Variants in RUFY1 observed in about 807,000 individuals in gnomAD.
RUFY1 encodes RUN and FYVE domain-containing protein 1.
RUFY1 carries 54 observed loss-of-function variants against 94.6 expected under a neutral mutation model. The observed-to-expected ratio is 0.57, with a 90% CI of 0.46 to 0.72. RUFY1 has a LOEUF of 0.72. RUFY1 is among the 30% of genes least tolerant of loss of function. The pLI is 0.00. For synonymous variants in RUFY1, 396 were observed against 347.3 expected (o/e 1.14, Z -1.56); for missense variants, 883 against 883.9 (o/e 1.00, Z 0.01).
At chr5:179,563,283 C>A (rs1431726137) in intron 3 of RUFY1, among the ~76,000 whole-genome samples, 1 of 152,162 alleles carries the variant, frequency 6.6e-6, no homozygotes, top group Admixed American at 6.5e-5. Context: ...ATTCCATTTT[C>A]AGATAATAAT....
intron 9 of RUFY1, among the ~76,000 whole-genome samples, chr5:179,590,230 T>C (rs1764944326): frequency 6.6e-6 from 1 of 151,692 alleles, no homozygotes; most frequent in Non-Finnish European, 1.5e-5. Context: ...GGCAGGTGCC[T>C]GTAGTCCCAG....
chr5:179,567,086 G>T (rs11958537), intron 3 of RUFY1, among the ~76,000 whole-genome samples: 50,063 of 152,006 alleles, frequency 0.33, 8,555 homozygotes, highest in Non-Finnish European at 0.38. Context: ...TAAAAAGTAC[G>T]TTTGAGCTAA....
Position 179,607,576 on chromosome 5 carries a change from C to T in RUFY1, c.1906-6C>T, listed in dbSNP as rs1767237592. 6.2e-7 allele frequency: 1 copy of T among 1,614,114 alleles called. No individual in the cohort carries two copies. The highest frequency in any genetic ancestry group is 8.5e-7 in the Non-Finnish European group (1 of 1,179,908). ...AGTGGATTCTAGAATGTCCTTTCCT[C>T]TTCAGGGCCACGCCTGGCTGAAAGA... On this transcript the variant is annotated splice_polypyrimidine_tract_variant and splice_region_variant and intron_variant, in intron 16 of 17. Coordinates refer to ENST00000319449, the MANE Select transcript of RUFY1 (RefSeq NM_025158.5).
chr5:179,602,078 C>A, intron 15 of RUFY1, 92 bp downstream of exon 15: 5 of 1,064,482 alleles, frequency 4.7e-6, no homozygotes, highest in South Asian at 1.3e-5. Flanking sequence ...TTTTGGCGAA[C>A]GGAGGGTGGG....
chr5:179,564,797 T>C (rs546489510), intron 3 of RUFY1, among the ~76,000 whole-genome samples: 1 of 152,314 alleles, frequency 6.6e-6, no homozygotes, highest in South Asian at 2.1e-4. Flanking sequence ...GCAGTCGTTA[T>C]TGGTAACAGG....
chr5:179,584,209 G>T (rs1018302489), intron 7 of RUFY1, among the ~76,000 whole-genome samples: 5 of 151,440 alleles, frequency 3.3e-5, no homozygotes, highest in African/African-American at 1.2e-4. Flanking sequence ...TTTGTCCCCC[G>T]GTTCCTAAGC....
At chr5:179,559,124 G>A (rs565394035) in intron 1 of RUFY1, among the ~76,000 whole-genome samples, 6 of 152,234 alleles carry the variant, frequency 3.9e-5, no homozygotes, top group Non-Finnish European at 7.3e-5. Context: ...GCCCGGGTGA[G>A]GGCCGCGCTT....
intron 16 of RUFY1, chr5:179,607,376 C>G (rs973718076): frequency 1.7e-6 from 1 of 581,008 alleles, no homozygotes; most frequent in Admixed American, 3.0e-5. Flanking sequence ...AGGTGGAGCA[C>G]GGAGCTAGGA....
chr5:179,605,690 C>CA lies in RUFY1; in HGVS notation c.1857-186_1857-185insA, dbSNP rs200147464. 6.6e-3 allele frequency among the ~76,000 whole-genome samples: 1,008 copies of CA among 152,152 alleles called. 15 individuals are homozygous for CA. Among genetic ancestry groups the CA allele is most frequent in the African/African-American group, 0.021 (874 of 41,524 alleles). On this transcript the variant is annotated intron_variant, in intron 15 of 17. Coordinates refer to ENST00000319449, the MANE Select transcript of RUFY1 (RefSeq NM_025158.5). ...AGGCTCAGCCTCAGCCCTCAGCAGA[C>CA]GGGAGCCAGTGTGATGAGGCAACTC...
intron 2 of RUFY1, among the ~76,000 whole-genome samples, chr5:179,560,465 A>G (rs1462456821): frequency 6.6e-6 from 1 of 152,102 alleles, no homozygotes; most frequent in Non-Finnish European, 1.5e-5. Flanking sequence ...CACGCCTGTA[A>G]TCCCAGCACT....
chr5:179,552,860 G>C (rs1208628820), intron 1 of RUFY1, among the ~76,000 whole-genome samples: 1 of 152,192 alleles, frequency 6.6e-6, no homozygotes, highest in Non-Finnish European at 1.5e-5. Context: ...GGAAGTGATA[G>C]AAACAATAGC....
intron 5 of RUFY1, among the ~76,000 whole-genome samples, chr5:179,576,578 G>C (rs1217229278): frequency 1.3e-5 from 2 of 152,086 alleles, no homozygotes; most frequent in Non-Finnish European, 2.9e-5. Context: ...CTGCCACCAT[G>C]CCTGGCTAAT....
At chr5:179,571,473 C>A (rs919323809) in intron 5 of RUFY1, among the ~76,000 whole-genome samples, 18 of 150,578 alleles carry the variant, frequency 1.2e-4, no homozygotes, top group Non-Finnish European at 2.5e-4. Context: ...CATTGCACTC[C>A]AGTCTGGGCA....
rs752985795 is a variant in RUFY1 at position 179,577,134 on chromosome 5, G to A, written c.888G>A (p.Lys296=). Residue 296 remains lysine, a splice_region_variant and synonymous_variant, in exon 6 of 18, where the codon AAG becomes AAA. Coordinates refer to ENST00000319449, the MANE Select transcript of RUFY1 (RefSeq NM_025158.5). ...LKDVQDLDGG[K]EHERITDVLD... ...ATGTGCAGGATCTTGATGGTGGCAA[G>A]GAGTAAGTACTGCGTTGTATGTCAC... 6.7e-6 allele frequency: 8 copies of A among 1,195,824 alleles called. No homozygotes were observed. Among genetic ancestry groups the A allele is most frequent in the Admixed American group, 5.3e-5 (3 of 57,060 alleles). 74.1% of individuals were successfully genotyped at this position (1,195,824 alleles called of 1,614,324 possible).
At chr5:179,574,932 T>C (rs891949938) in intron 5 of RUFY1, among the ~76,000 whole-genome samples, 5 of 152,086 alleles carry the variant, frequency 3.3e-5, no homozygotes, top group Non-Finnish European at 7.4e-5. Flanking sequence ...TTTTATGATT[T>C]GGTTTTTTAT....
intron 1 of RUFY1, among the ~76,000 whole-genome samples, chr5:179,552,873 A>G (rs1171260844): frequency 6.6e-6 from 1 of 152,230 alleles, no homozygotes; most frequent in African/African-American, 2.4e-5. Context: ...ACAATAGCCA[A>G]CACTTATATT....
At chr5:179,560,653 G>A (rs1471936839) in intron 2 of RUFY1, among the ~76,000 whole-genome samples, 7 of 149,816 alleles carry the variant, frequency 4.7e-5, no homozygotes, top group Non-Finnish European at 7.4e-5. Context: ...GTGATCCCGG[G>A]AGGCGGAGGT....
chr5:179,601,107 G>A (rs149305382), intron 14 of RUFY1, among the ~76,000 whole-genome samples: 370 of 152,268 alleles, frequency 2.4e-3, no homozygotes, highest in African/African-American at 8.4e-3. Flanking sequence ...CCAGTGTCAA[G>A]AGTAAGCTAG....
chr5:179,597,212 C>G (rs1298221115), intron 13 of RUFY1, among the ~76,000 whole-genome samples: 2 of 151,906 alleles, frequency 1.3e-5, no homozygotes, highest in African/African-American at 4.8e-5. Context: ...ATCAACACAC[C>G]CGGCTAATTT....
Sources: allele counts gnomAD v4.1 joint callset (sites outside exome capture counted in the v4.1 genomes callset), GRCh38; gene constraint gnomAD v4.1.1; transcripts MANE v1.5; gene names NCBI Gene and HGNC (gene_info 2026-07-23, HGNC 2026-07-21).